TPST1: variants seen among roughly 807,000 people sequenced by gnomAD.
TPST1 encodes tyrosylprotein sulfotransferase 1.
A neutral mutation model predicts 34.8 loss-of-function variants in TPST1; 20 were observed. The ratio of observed to expected loss-of-function variants is 0.57; its 90% CI spans 0.40 to 0.84. The LOEUF is 0.84. Among genes scored for constraint, TPST1 ranks in the 40% least tolerant of loss-of-function variants. The pLI, the probability that TPST1 is intolerant of heterozygous loss-of-function variation, is 0.00. For missense variants in TPST1, 353 were observed against 455.5 expected, an observed-to-expected ratio of 0.78 and a Z score of 2.05; for synonymous variants, 152 against 159.4, an observed-to-expected ratio of 0.95 and a Z score of 0.35.
At chr7:66,321,822 T>A (rs1312662973) in intron 3 of TPST1, among the ~76,000 whole-genome samples, 1 of 152,228 alleles carries the variant, frequency 6.6e-6, no homozygotes, top group Non-Finnish European at 1.5e-5. Context: ...CATTTTTATT[T>A]CCTTAGTAAC....
chr7:66,230,727 G>A (rs963388979), intron 1 of TPST1, among the ~76,000 whole-genome samples: 1 of 152,180 alleles, frequency 6.6e-6, no homozygotes, highest in Non-Finnish European at 1.5e-5. Context: ...CCACAGTGTG[G>A]AAGGGGACCC....
At chr7:66,299,590 G>A (rs549893885) in intron 3 of TPST1, among the ~76,000 whole-genome samples, 1 of 151,986 alleles carries the variant, frequency 6.6e-6, no homozygotes, top group African/African-American at 2.4e-5. Flanking sequence ...CATCTCCTGT[G>A]TGGGCCTCAG....
intron 1 of TPST1, among the ~76,000 whole-genome samples, chr7:66,207,707 C>T (rs1318547973): frequency 6.6e-6 from 1 of 152,166 alleles, no homozygotes; most frequent in African/African-American, 2.4e-5. Context: ...TATTTAGTCC[C>T]CGTTTCTCTT....
At chr7:66,217,158 A>G (rs1370005129) in intron 1 of TPST1, among the ~76,000 whole-genome samples, 3 of 152,100 alleles carry the variant, frequency 2.0e-5, no homozygotes, top group African/African-American at 7.2e-5. Context: ...AACAATATAT[A>G]TTTTGCCATT....
chr7:66,233,648 G>GA (rs1164666893), intron 1 of TPST1, among the ~76,000 whole-genome samples: 1 of 152,198 alleles, frequency 6.6e-6, no homozygotes, highest in African/African-American at 2.4e-5. Context: ...TCTTTTTTAA[G>GA]ATTGTTTTGG....
At chr7:66,270,218 A>G (rs376281224) in intron 2 of TPST1, among the ~76,000 whole-genome samples, 169 of 152,318 alleles carry the variant, frequency 1.1e-3, no homozygotes, top group Non-Finnish European at 1.7e-3. Context: ...AAAGATGTCA[A>G]TAGGACTGGA....
chr7:66,273,717 A>G (rs888716130), intron 2 of TPST1, among the ~76,000 whole-genome samples: 1 of 152,190 alleles, frequency 6.6e-6, no homozygotes, highest in African/African-American at 2.4e-5. Context: ...GGATATCCAC[A>G]TGAGAAGAAT....
intron 2 of TPST1, among the ~76,000 whole-genome samples, chr7:66,250,062 C>T (rs181835447): frequency 9.9e-5 from 15 of 152,274 alleles, no homozygotes; most frequent in East Asian, 9.6e-4. Context: ...TATCTCTCTC[C>T]GTGTCTCCAT....
intron 2 of TPST1, among the ~76,000 whole-genome samples, chr7:66,257,556 A>G (rs759675037): frequency 1.3e-5 from 2 of 152,154 alleles, no homozygotes; most frequent in South Asian, 2.1e-4. Flanking sequence ...TTGGGAGTCT[A>G]GTGACCTCTT....
At chr7:66,345,877 G>T (rs1438955544) in intron 3 of TPST1, among the ~76,000 whole-genome samples, 1 of 151,758 alleles carries the variant, frequency 6.6e-6, no homozygotes, top group African/African-American at 2.4e-5. Flanking sequence ...GTTAATTATT[G>T]ACTGTAGTCG....
intron 3 of TPST1, among the ~76,000 whole-genome samples, chr7:66,322,161 A>T (rs1395084574): frequency 6.6e-6 from 1 of 152,142 alleles, no homozygotes; most frequent in African/African-American, 2.4e-5. Flanking sequence ...ATATCCTCCT[A>T]TGTTATCTAA....
upstream of TPST1, among the ~76,000 whole-genome samples, chr7:66,201,662 G>C (rs1789036803): frequency 6.6e-6 from 1 of 151,822 alleles, no homozygotes; most frequent in Admixed American, 6.6e-5. Context: ...CTGCACACCA[G>C]CCTGGGCAAC....
chr7:66,357,465 T>A (rs1792604214), intron 5 of TPST1, among the ~76,000 whole-genome samples: 1 of 152,252 alleles, frequency 6.6e-6, no homozygotes, highest in South Asian at 2.1e-4. Flanking sequence ...CCTTGCTTGT[T>A]TTAATGTATT....
chr7:66,262,565 C>T (rs1022085860), intron 2 of TPST1, among the ~76,000 whole-genome samples: 6 of 152,136 alleles, frequency 3.9e-5, no homozygotes, highest in Admixed American at 3.9e-4. Context: ...TTCCATCTGC[C>T]TAGCATGTCT....
At chr7:66,215,105 A>C (rs1269421309) in intron 1 of TPST1, among the ~76,000 whole-genome samples, 1 of 148,510 alleles carries the variant, frequency 6.7e-6, no homozygotes. Flanking sequence ...ACCAGGTTGG[A>C]GTGCAGTGGC....
At chr7:66,213,699 G>C (rs910073741) in intron 1 of TPST1, among the ~76,000 whole-genome samples, 1 of 150,984 alleles carries the variant, frequency 6.6e-6, no homozygotes, top group Non-Finnish European at 1.5e-5. Context: ...AGCGGAGATC[G>C]TGCCACTGCA....
chr7:66,259,318 A>C (rs916462961), intron 2 of TPST1, among the ~76,000 whole-genome samples: 1 of 152,176 alleles, frequency 6.6e-6, no homozygotes, highest in Non-Finnish European at 1.5e-5. Flanking sequence ...TTATGGGCAT[A>C]AAGTTGTTCA....
At chr7:66,292,765 C>T (rs1208388980) in intron 3 of TPST1, among the ~76,000 whole-genome samples, 13 of 146,936 alleles carry the variant, frequency 8.8e-5, no homozygotes, top group African/African-American at 2.8e-4. Context: ...TCTGGCACTC[C>T]CTAGTGAGAT....
intron 3 of TPST1, among the ~76,000 whole-genome samples, chr7:66,329,086 A>AT (rs950703910): frequency 3.3e-5 from 5 of 149,522 alleles, no homozygotes; most frequent in East Asian, 2.0e-4. Context: ...TAATACTTGT[A>AT]TTTTTTTGTA....
Sources: allele counts gnomAD v4.1 joint callset (sites outside exome capture counted in the v4.1 genomes callset), GRCh38; gene constraint gnomAD v4.1.1; transcripts MANE v1.5; gene names NCBI Gene and HGNC (gene_info 2026-07-23, HGNC 2026-07-21).